The following NBAS variants were observed in gnomAD, a reference collection of about 807,000 sequenced individuals.
NBAS encodes NAG/BC035112 fusion.
In NBAS, 219 loss-of-function variants were observed where a neutral mutation model predicts 302.5. The observed-to-expected ratio is 0.72, with a 90% CI of 0.65 to 0.81. The LOEUF is 0.81. Among genes scored for constraint, NBAS ranks in the 30% least tolerant of loss-of-function variants. NBAS has a pLI of 0.00. For synonymous variants in NBAS, 1,118 were observed against 1,021.6 expected (o/e 1.09, Z -1.80); for missense variants, 2,932 against 2,841.6 (o/e 1.03, Z -0.72).
At chr2:15,442,932 AC>A (rs1437766052) in intron 21 of NBAS, among the ~76,000 whole-genome samples, 1 of 152,082 alleles carries the variant, frequency 6.6e-6, no homozygotes, top group East Asian at 1.9e-4. Flanking sequence ...CGACACATAC[AC>A]TCTCCCAACA....
chr2:15,372,887 A>C (rs1674556479), intron 31 of NBAS, among the ~76,000 whole-genome samples: 1 of 152,192 alleles, frequency 6.6e-6, no homozygotes, highest in African/African-American at 2.4e-5. Context: ...ATCCAGTAGC[A>C]CTTGGGTGGA....
chr2:14,840,361 C>A, the NBAS span, among the ~76,000 whole-genome samples: 1 of 151,918 alleles, frequency 6.6e-6, no homozygotes, highest in Non-Finnish European at 1.5e-5. Flanking sequence ...GGGTGGAAAT[C>A]TTCTGCAAAT....
intron 21 of NBAS, among the ~76,000 whole-genome samples, chr2:15,439,259 G>A (rs117426038): frequency 0.013 from 1,879 of 147,506 alleles, 30 homozygotes; most frequent in East Asian, 0.059. Context: ...CTGAGACATC[G>A]CCACTGCACT....
chr2:15,317,025 G>A (rs904802451), intron 38 of NBAS, among the ~76,000 whole-genome samples: 2 of 152,218 alleles, frequency 1.3e-5, no homozygotes, highest in Non-Finnish European at 2.9e-5. Context: ...GAAGCTTCTA[G>A]AGGAAGGATC....
At chr2:14,946,489 TGA>T in the NBAS span, among the ~76,000 whole-genome samples, 1 of 152,024 alleles carries the variant, frequency 6.6e-6, no homozygotes, top group African/African-American at 2.4e-5. Context: ...AAAGAAGATA[TGA>T]CAATTATGAA....
the NBAS span, among the ~76,000 whole-genome samples, chr2:15,133,408 A>G: frequency 6.6e-6 from 1 of 152,160 alleles, no homozygotes; most frequent in African/African-American, 2.4e-5. Flanking sequence ...ATATCTGAGT[A>G]TTTGGAGGAG....
the NBAS span, among the ~76,000 whole-genome samples, chr2:14,998,445 G>A: frequency 6.6e-6 from 1 of 152,164 alleles, no homozygotes; most frequent in East Asian, 1.9e-4. Flanking sequence ...CTGTCTCCTA[G>A]GAGTCAGCTG....
chr2:15,191,786 A>G (rs1238693350), intron 48 of NBAS, among the ~76,000 whole-genome samples: 3 of 152,190 alleles, frequency 2.0e-5, no homozygotes, highest in Non-Finnish European at 2.9e-5. Context: ...TGCCTTGCCT[A>G]TTTATAAAGA....
the NBAS span, among the ~76,000 whole-genome samples, chr2:15,141,789 T>C: frequency 6.6e-6 from 1 of 152,292 alleles, no homozygotes; most frequent in Admixed American, 6.5e-5. Flanking sequence ...TAGCAGATCA[T>C]ACCCTTTCCC....
At chr2:14,880,106 C>G in the NBAS span, among the ~76,000 whole-genome samples, 15 of 152,130 alleles carry the variant, frequency 9.9e-5, no homozygotes, top group African/African-American at 3.4e-4. Flanking sequence ...ATTAGAAGAC[C>G]CTGTTGAACA....
chr2:15,449,678 C>G (rs1678915376), intron 21 of NBAS, among the ~76,000 whole-genome samples: 1 of 152,066 alleles, frequency 6.6e-6, no homozygotes, highest in Non-Finnish European at 1.5e-5. Context: ...AACCAATTAC[C>G]CCTACCACCA....
At chr2:15,015,098 T>C in the NBAS span, among the ~76,000 whole-genome samples, 1 of 149,386 alleles carries the variant, frequency 6.7e-6, no homozygotes, top group Non-Finnish European at 1.5e-5. Flanking sequence ...ATAGAGAACT[T>C]GAAAAGATCA....
the NBAS span, among the ~76,000 whole-genome samples, chr2:14,957,879 C>T: frequency 6.6e-6 from 1 of 152,156 alleles, no homozygotes; most frequent in Admixed American, 6.5e-5. Flanking sequence ...ACTGTGAGCA[C>T]CTTGAAGCAT....
intron 21 of NBAS, among the ~76,000 whole-genome samples, chr2:15,430,368 A>G (rs909029861): frequency 4.6e-5 from 7 of 152,176 alleles, no homozygotes; most frequent in Non-Finnish European, 1.0e-4. Context: ...TGATATGATG[A>G]TGATGACAAT....
At chr2:15,059,949 AAAAAAAAAAAAAAACAAAAAAAAAAAC>A in the NBAS span, among the ~76,000 whole-genome samples, 2 of 96,758 alleles carry the variant, frequency 2.1e-5, no homozygotes, top group Admixed American at 9.2e-5. Context: ...AGTGCTGCTA[AAAAAAAAAAAAAAACAAAAAAAAAAAC>A]AAAAAAAAAA....
chr2:14,883,425 G>C, the NBAS span, among the ~76,000 whole-genome samples: 4 of 151,952 alleles, frequency 2.6e-5, no homozygotes, highest in Non-Finnish European at 5.9e-5. Flanking sequence ...CTATTAACCT[G>C]GACAATATAC....
intron 36 of NBAS, among the ~76,000 whole-genome samples, chr2:15,328,629 G>T (rs557161934): frequency 1.3e-5 from 2 of 152,170 alleles, no homozygotes; most frequent in African/African-American, 2.4e-5. Flanking sequence ...TTCATATGGT[G>T]AGTTTTTATA....
intron 42 of NBAS, among the ~76,000 whole-genome samples, chr2:15,285,171 C>G (rs1669982508): frequency 6.6e-6 from 1 of 152,164 alleles, no homozygotes; most frequent in African/African-American, 2.4e-5. Flanking sequence ...ACAGATCACA[C>G]TATCTTCCAT....
At chr2:15,420,632 G>A (rs1272276132) in intron 23 of NBAS, among the ~76,000 whole-genome samples, 2 of 152,160 alleles carry the variant, frequency 1.3e-5, no homozygotes, top group Admixed American at 1.3e-4. Flanking sequence ...CTAAGCAGGG[G>A]GGAATGTGGA....
Sources: gnomAD v4.1 joint callset for allele counts (sites outside exome capture counted in the v4.1 genomes callset) on GRCh38, gnomAD v4.1.1 for gene constraint, MANE v1.5 for transcripts, NCBI Gene and HGNC (gene_info 2026-07-23, HGNC 2026-07-21) for gene names.